The following AANAT variants were observed in gnomAD, a reference collection of about 807,000 sequenced individuals.
AANAT encodes serotonin N-acetyltransferase.
In AANAT, 11 loss-of-function variants were observed where a neutral mutation model predicts 15.6. The ratio of observed to expected loss-of-function variants is 0.71; its 90% CI spans 0.44 to 1.17. AANAT has a LOEUF of 1.17. Ranked by LOEUF, AANAT falls within the 50% of genes most tolerant of loss-of-function variation. AANAT has a pLI of 0.00. For missense variants in AANAT, 286 were observed against 296.3 expected (o/e 0.97, Z 0.26); for synonymous variants, 139 against 131.5 (o/e 1.06, Z -0.39).
intron 1 of AANAT, among the ~76,000 whole-genome samples, chr17:76,457,813 G>T (rs1488596817): frequency 6.6e-6 from 1 of 152,224 alleles, no homozygotes; most frequent in Non-Finnish European, 1.5e-5. Flanking sequence ...GCCAAGGTGG[G>T]TGGATCACCT....
At chr17:76,467,044 G>T (rs2073445623), upstream of AANAT, among the ~76,000 whole-genome samples, 1 of 152,100 alleles carries the variant, frequency 6.6e-6, no homozygotes. Flanking sequence ...AGGGCAGGGG[G>T]TAGTCAGAGC....
At chr17:76,455,593 C>T (rs559877997) in intron 1 of AANAT, among the ~76,000 whole-genome samples, 1 of 151,802 alleles carries the variant, frequency 6.6e-6, no homozygotes, top group South Asian at 2.1e-4. Flanking sequence ...ATTTTTTCCA[C>T]ATTTTTCTAC....
upstream of AANAT, among the ~76,000 whole-genome samples, chr17:76,463,706 C>A (rs1164002759): frequency 6.6e-6 from 1 of 152,112 alleles, no homozygotes; most frequent in African/African-American, 2.4e-5. Context: ...CTATCTGCCC[C>A]ATTTCTTGGA....
chr17:76,466,306 T>A, upstream of AANAT: 1 of 1,281,734 alleles, frequency 7.8e-7, no homozygotes, highest in Non-Finnish European at 1.1e-6. Context: ...TGGTCGGTCC[T>A]GAGAGGTCTG....
rs563375117 is a variant in AANAT at position 76,469,839 on chromosome 17, G to A, written c.493G>A (p.Val165Ile). 2 of 1,604,852 alleles carry A rather than the reference G, an allele frequency of 1.2e-6. No individual in the cohort carries two copies. Among genetic ancestry groups the A allele is most frequent in the Non-Finnish European group, 1.7e-6 (2 of 1,176,966 alleles). Residue 165 changes from valine (V) to isoleucine (I), a missense_variant, in exon 4 of 4, where the codon GTA becomes ATA. Physicochemically the swap from Val to Ile is conservative, Grantham distance 29. Coordinates refer to ENST00000392492, the MANE Select transcript of AANAT (RefSeq NM_001088.3). This position sits in a 1 kb window ranked among gnomAD's most constrained non-coding sequence, Gnocchi z 5.2. ...RAALMCEDAL[V>I]PFYERFSFHA... is the part of the protein sequence containing the mutation. Reference sequence around the variant, plus strand: ...CGCGCTCATGTGCGAGGACGCGCTGGTACCCTTCTATGAGAGGTTCAGCTT... The same window carrying A: ...CGCGCTCATGTGCGAGGACGCGCTGATACCCTTCTATGAGAGGTTCAGCTT...
rs187235387 is a variant in AANAT, at chr17:76,469,781, C to T, written c.435C>T (p.His145=). ...CCATCCTGCTGTGGCGCTACCTGCA[C>T]CACCTGGGCAGCCAGCCGGCCGTGC... ...RGPILLWRYL[H]HLGSQPAVRR... Residue 145 remains histidine, a synonymous_variant, in exon 4 of 4, where the codon CAC becomes CAT. Transcript: ENST00000392492. This position sits in a 1 kb window ranked among gnomAD's most constrained non-coding sequence, Gnocchi z 5.2. 1.9e-5 allele frequency: 31 copies of T among 1,591,846 alleles called. No individual in the cohort carries two copies. In the East Asian group the frequency reaches 5.0e-4, roughly 26 times the overall value.
chr17:76,455,280 C>T (rs12947725), intron 1 of AANAT, among the ~76,000 whole-genome samples: 5,644 of 152,100 alleles, frequency 0.037, 162 homozygotes, highest in Non-Finnish European at 0.052. Context: ...GGCAAAACCC[C>T]ATGTCTACTA....
At chr17:76,466,704 C>T (rs1014476942), upstream of AANAT, among the ~76,000 whole-genome samples, 3 of 152,284 alleles carry the variant, frequency 2.0e-5, 1 homozygote, top group East Asian at 3.9e-4. Context: ...CCTCGGTTTC[C>T]TTCTCTATAA....
chr17:76,462,072 T>C (rs1277870698), intron 2 of AANAT, among the ~76,000 whole-genome samples: 2 of 152,114 alleles, frequency 1.3e-5, no homozygotes, highest in African/African-American at 4.8e-5. Context: ...ACCCTGAGTA[T>C]ATACTGCACC....
Position 76,467,616 on chromosome 17 carries a change from T to C in AANAT, c.-187T>C, listed in dbSNP as rs1335403299. 1.0e-6 allele frequency: 1 copy of C among 985,420 alleles called. No individual in the cohort carries two copies. Among genetic ancestry groups the C allele is most frequent in the Non-Finnish European group, 1.2e-6 (1 of 830,020 alleles). 61.0% of individuals were successfully genotyped at this position (985,420 alleles called of 1,614,324 possible). On this transcript the variant is annotated 5_prime_UTR_variant, in exon 1 of 4. Transcript: ENST00000392492. ...AGGCTGCCCGGGGAACATCTGCTAC[T>C]ACAGCCTTGCAGCCCGGAGTCCCGG... is the stretch of plus-strand genomic sequence containing the variant.
intron 1 of AANAT, among the ~76,000 whole-genome samples, chr17:76,454,032 G>A (rs1057492756): frequency 2.0e-5 from 3 of 152,162 alleles, no homozygotes; most frequent in Non-Finnish European, 4.4e-5. Flanking sequence ...ATCTCATTGG[G>A]CAATTGGAGG....
exon 1 of AANAT, chr17:76,453,771 G>GC (rs2143953492): frequency 6.6e-6 from 1 of 152,406 alleles, no homozygotes; most frequent in Non-Finnish European, 1.5e-5. Flanking sequence ...GGTGAAGGAG[G>GC]CCCAGAGAAA....
chr17:76,470,071 G>A lies in AANAT; in HGVS notation c.*101G>A, dbSNP rs556281796. The A allele has an allele frequency of 4.1e-5, 52 of 1,267,116 alleles. 1 individual carries two copies. In the South Asian group the frequency reaches 8.0e-4, roughly 19 times the overall value. 78.5% of individuals were successfully genotyped at this position (1,267,116 alleles called of 1,614,324 possible). Reference sequence around the variant, plus strand: ...GACAGCAGTTTCCAGAGAGTGGAGAGAGCAGGGCTAAATAAAGAGGAGATA... The same window carrying A: ...GACAGCAGTTTCCAGAGAGTGGAGAAAGCAGGGCTAAATAAAGAGGAGATA... On this transcript the variant is annotated 3_prime_UTR_variant, in exon 4 of 4. Coordinates refer to ENST00000392492, the MANE Select transcript of AANAT (RefSeq NM_001088.3).
chr17:76,469,355 C>G lies in AANAT; in HGVS notation c.318+28C>G. The stretch of plus-strand genomic sequence containing the variant: ...GAGGACAGGGCTGCGACGCCCAGCT[C>G]CAGGGAGGCCTCTGAAGACAGAGGT... On this transcript the variant is annotated intron_variant, in intron 3 of 3. Transcript: ENST00000392492. This position sits in a 1 kb window ranked among gnomAD's most constrained non-coding sequence, Gnocchi z 5.2. 1.2e-6 allele frequency: 2 copies of G among 1,612,322 alleles called. No homozygotes were observed. The highest frequency in any genetic ancestry group is 1.7e-6 in the Non-Finnish European group (2 of 1,179,376).
At chr17:76,455,388 T>C (rs577798850) in intron 1 of AANAT, among the ~76,000 whole-genome samples, 1 of 152,154 alleles carries the variant, frequency 6.6e-6, no homozygotes, top group South Asian at 2.1e-4. Context: ...GGGTTGGAGG[T>C]TGCAGTGAGC....
chr17:76,462,784 G>T (rs372283852), upstream of AANAT, among the ~76,000 whole-genome samples: 1 of 152,192 alleles, frequency 6.6e-6, no homozygotes, highest in Non-Finnish European at 1.5e-5. Flanking sequence ...GAGAGAGAAA[G>T]TGACCATCGA....
At chr17:76,455,132 A>T (rs908025751) in intron 1 of AANAT, among the ~76,000 whole-genome samples, 2 of 151,816 alleles carry the variant, frequency 1.3e-5, no homozygotes, top group African/African-American at 4.8e-5. Context: ...GTCTCAAAAA[A>T]AAGTAACTCT....
At position 76,469,408 on chromosome 17, in the gene AANAT, G is replaced by C; in HGVS notation, c.318+81G>C. The C allele has an allele frequency of 6.4e-7, 1 of 1,569,032 alleles. No individual in the cohort carries two copies. Among genetic ancestry groups the C allele is most frequent in the East Asian group, 2.2e-5 (1 of 44,650 alleles). On this transcript the variant is annotated intron_variant, in intron 3 of 3. Transcript: ENST00000392492. The surrounding 1 kb of genome is among the most constrained non-coding windows in gnomAD (Gnocchi z 5.2). ...GCCAGATGGCGGGGAGGGGAGCCCA[G>C]GGGCTGGGATTTCTTCCTCCAGAAC...
At chr17:76,467,205 TAATTA>T (rs1422358305), upstream of AANAT, among the ~76,000 whole-genome samples, 1 of 152,150 alleles carries the variant, frequency 6.6e-6, no homozygotes, top group Non-Finnish European at 1.5e-5. Context: ...TTTAAATATT[TAATTA>T]AATTAAATAT....
Sources: allele counts gnomAD v4.1 joint callset (sites outside exome capture counted in the v4.1 genomes callset), GRCh38; gene constraint gnomAD v4.1.1; non-coding constraint Gnocchi (gnomAD v3.1); transcripts MANE v1.5; gene names NCBI Gene and HGNC (gene_info 2026-07-23, HGNC 2026-07-21).